HDGFL3: variants seen among roughly 807,000 people sequenced by gnomAD.
The protein encoded by HDGFL3 is hepatoma-derived growth factor-related protein 3.
A neutral mutation model predicts 27.6 loss-of-function variants in HDGFL3; 6 were observed. The ratio of observed to expected loss-of-function variants is 0.22; its 90% confidence interval spans 0.12 to 0.43. HDGFL3 has a LOEUF of 0.43. Ranked by LOEUF, HDGFL3 falls within the 20% of genes least tolerant of loss-of-function variation. The pLI is 1.00. For synonymous variants in HDGFL3, 88 were observed against 88.9 expected (o/e 0.99, Z 0.05); for missense variants, 207 against 250.1 (o/e 0.83, Z 1.16).
intron 3 of HDGFL3, among the ~76,000 whole-genome samples, chr15:83,118,119 T>C (rs2034849243): frequency 2.0e-5 from 3 of 152,112 alleles, no homozygotes; most frequent in Admixed American, 6.5e-5. Context: ...CTCAGTGCTT[T>C]GGAAGACAAA....
intron 4 of HDGFL3, among the ~76,000 whole-genome samples, chr15:83,152,990 C>CTT (rs920789734): frequency 1.8e-4 from 20 of 113,272 alleles, no homozygotes; most frequent in Admixed American, 5.5e-4. Context: ...ATACGCAGTT[C>CTT]TTTTTTTTTT....
Position 83,157,395 on chromosome 15 carries a change from A to G in HDGFL3, c.459+20T>C. ...GGATATGCATATAACATTAATAACA[A>G]TGAGAAGTTTCTTAGTAACCTTTGA... On this transcript the variant is annotated intron_variant, in intron 4 of 5. Coordinates refer to ENST00000299633, the MANE Select transcript of HDGFL3 (RefSeq NM_016073.4). 6.2e-7 allele frequency: 1 copy of G among 1,606,008 alleles called. No individual in the cohort carries two copies. The highest frequency in any genetic ancestry group is 8.5e-7 in the Non-Finnish European group (1 of 1,173,378).
At chr15:83,172,104 T>C (rs1356072294) in intron 1 of HDGFL3, among the ~76,000 whole-genome samples, 1 of 152,124 alleles carries the variant, frequency 6.6e-6, no homozygotes, top group Non-Finnish European at 1.5e-5. Context: ...AAAATTCAGG[T>C]GCTGTTAATG....
intron 4 of HDGFL3, among the ~76,000 whole-genome samples, chr15:83,156,871 A>G (rs2037036514): frequency 6.6e-6 from 1 of 151,846 alleles, no homozygotes; most frequent in African/African-American, 2.4e-5. Flanking sequence ...TTTTGCTTTT[A>G]CATTGTTAGT....
intron 2 of HDGFL3, 34 bp from the exon 3 acceptor site, chr15:83,158,075 C>T (rs772742454): frequency 1.3e-6 from 2 of 1,562,932 alleles, no homozygotes; most frequent in Non-Finnish European, 8.7e-7. Flanking sequence ...AATTGACACA[C>T]TGACCTTCAA....
At position 83,163,433 on chromosome 15, in the gene HDGFL3, C is replaced by T. The variant is rs8026026; in HGVS notation, c.161+566G>A. Among the ~76,000 whole-genome samples, 1,187 of 152,286 alleles carry T rather than the reference C, an allele frequency of 7.8e-3. 15 individuals carry two copies. Among genetic ancestry groups the T allele is most frequent in the African/African-American group, 0.028 (1,143 of 41,558 alleles). ...TCCCTAGGGCAAAGTAGTCTACCCA[C>T]CCCAATCTACCTGCCTACCTCTGAA... On this transcript the variant is annotated intron_variant, in intron 2 of 5. Coordinates refer to ENST00000299633, the MANE Select transcript of HDGFL3 (RefSeq NM_016073.4).
chr15:83,185,707 T>C (rs1186277245), intron 1 of HDGFL3, among the ~76,000 whole-genome samples: 1 of 152,202 alleles, frequency 6.6e-6, no homozygotes, highest in African/African-American at 2.4e-5. Flanking sequence ...ACACTGGTGA[T>C]GGAGGTGGCA....
chr15:83,199,482 T>C (rs961601737), intron 1 of HDGFL3, among the ~76,000 whole-genome samples: 4 of 152,156 alleles, frequency 2.6e-5, no homozygotes, highest in Admixed American at 6.5e-5. Context: ...TATTTTGCAA[T>C]AGAAACTGAG....
intron 1 of HDGFL3, chr15:83,184,835 A>G (rs942628261): frequency 1.3e-5 from 2 of 152,230 alleles, no homozygotes; most frequent in African/African-American, 2.4e-5. Context: ...AAGACAACAG[A>G]TAATACATTT....
intron 1 of HDGFL3, among the ~76,000 whole-genome samples, chr15:83,190,300 T>C (rs1244275393): frequency 6.6e-6 from 1 of 152,076 alleles, no homozygotes; most frequent in Non-Finnish European, 1.5e-5. Flanking sequence ...TCTTCTGTTA[T>C]ATGTATTTCT....
chr15:83,118,233 ACACACACACACAC>A (rs2034874259), intron 3 of HDGFL3, among the ~76,000 whole-genome samples: 1 of 62,194 alleles, frequency 1.6e-5, no homozygotes, highest in African/African-American at 1.1e-4. Context: ...CTGTACGTAC[ACACACACACACAC>A]ACACACACAC....
chr15:83,169,434 A>G (rs1463683646), intron 1 of HDGFL3, among the ~76,000 whole-genome samples: 1 of 147,518 alleles, frequency 6.8e-6, no homozygotes, highest in Non-Finnish European at 1.5e-5. Flanking sequence ...AAAAAAAAAA[A>G]AAAAAAAAAA....
downstream of HDGFL3, among the ~76,000 whole-genome samples, chr15:83,123,853 C>A (rs927204389): frequency 6.6e-6 from 1 of 152,312 alleles, no homozygotes; most frequent in African/African-American, 2.4e-5. Context: ...AATGTGAAAA[C>A]ACAGTGACAG....
At chr15:83,139,499 T>C (rs753990860) in intron 5 of HDGFL3, among the ~76,000 whole-genome samples, 2 of 152,186 alleles carry the variant, frequency 1.3e-5, no homozygotes, top group Non-Finnish European at 2.9e-5. Context: ...TAGTGTCCCA[T>C]AGAAAAAAAT....
At chr15:83,175,118 G>A (rs1714304786) in intron 1 of HDGFL3, among the ~76,000 whole-genome samples, 1 of 152,146 alleles carries the variant, frequency 6.6e-6, no homozygotes, top group African/African-American at 2.4e-5. Context: ...TTTAGACAAA[G>A]AATGTGCTCT....
At chr15:83,117,667 G>C (rs1171530736) in intron 3 of HDGFL3, among the ~76,000 whole-genome samples, 1 of 152,114 alleles carries the variant, frequency 6.6e-6, no homozygotes, top group Non-Finnish European at 1.5e-5. Context: ...GGACTGGGGT[G>C]TAACTGTGGT....
At chr15:83,168,845 T>C (rs1200506141) in intron 1 of HDGFL3, among the ~76,000 whole-genome samples, 1 of 151,986 alleles carries the variant, frequency 6.6e-6, no homozygotes, top group African/African-American at 2.4e-5. Context: ...CAGGCCAATA[T>C]CCCTGATGAA....
intron 1 of HDGFL3, among the ~76,000 whole-genome samples, chr15:83,177,023 T>A (rs1282253810): frequency 6.9e-6 from 1 of 144,432 alleles, no homozygotes; most frequent in Non-Finnish European, 1.5e-5. Context: ...GTCCAAGCAA[T>A]TCTCCTGCCT....
At chr15:83,127,356 A>C, downstream of HDGFL3, 2 of 1,611,008 alleles carry the variant, frequency 1.2e-6, no homozygotes, top group Non-Finnish European at 1.7e-6. Flanking sequence ...TGTTCAATAC[A>C]GATGCTGGCA....
Sources: gnomAD v4.1 joint callset for allele counts (sites outside exome capture counted in the v4.1 genomes callset) on GRCh38, gnomAD v4.1.1 for gene constraint, MANE v1.5 for transcripts, NCBI Gene and HGNC (gene_info 2026-07-23, HGNC 2026-07-21) for gene names.